The following FSTL5 variants were observed in gnomAD, a reference collection of about 807,000 sequenced individuals.
FSTL5 encodes follistatin like 5.
FSTL5 carries 62 observed loss-of-function variants against 89.1 expected under a neutral mutation model. That is an observed-to-expected ratio of 0.70 (90% CI 0.57 to 0.86). The LOEUF is 0.86. Among genes scored for constraint, FSTL5 ranks in the 40% least tolerant of loss-of-function variants. FSTL5 has a pLI of 0.00. For missense variants in FSTL5, 1,057 were observed against 1,001.6 expected (o/e 1.06, Z -0.75); for synonymous variants, 383 against 346.2 (o/e 1.11, Z -1.18).
chr4:161,617,227 T>A (rs1734905935), intron 7 of FSTL5, among the ~76,000 whole-genome samples: 1 of 151,960 alleles, frequency 6.6e-6, no homozygotes, highest in Non-Finnish European at 1.5e-5. Flanking sequence ...AAAAGTCAAT[T>A]AGGGAACTTA....
At chr4:161,461,462 A>C (rs78473383) in intron 13 of FSTL5, among the ~76,000 whole-genome samples, 1 of 2,590 alleles carries the variant, frequency 3.9e-4, no homozygotes, top group Non-Finnish European at 1.6e-3. Flanking sequence ...CTCCGTCTCA[A>C]AAAAAAAAAA....
chr4:162,102,645 ATATT>A (rs911336065), intron 2 of FSTL5, among the ~76,000 whole-genome samples: 16 of 145,850 alleles, frequency 1.1e-4, no homozygotes, highest in African/African-American at 4.0e-4. Context: ...ATAAATATGT[ATATT>A]TATATATACA....
Position 162,111,313 on chromosome 4 carries a change from A to T in FSTL5, c.84T>A (p.Tyr28Ter). Residue 28 changes from tyrosine to a stop codon, truncating the protein, a stop_gained, in exon 2 of 16, where the codon TAT becomes TAA. Coordinates refer to ENST00000306100, the MANE Select transcript of FSTL5 (RefSeq NM_020116.5). LOFTEE classifies it high-confidence loss of function. The part of the protein sequence containing the change: ...SEGRPTKEGG[Y>*]GLKSYQPLMR... ...TTAGAGGCTGATAGGATTTAAGGCC[A>T]TATCCTCCTTCTTTGGTTGGCCTTC... is the stretch of plus-strand genomic sequence containing the variant. The T allele has an allele frequency of 6.2e-7, 1 of 1,612,532 alleles. No homozygotes were observed. The highest frequency in any genetic ancestry group is 8.5e-7 in the Non-Finnish European group (1 of 1,178,854).
In FSTL5 at chr4:162,132,385, C is replaced by T. The variant is rs117676139; in HGVS notation, c.-16-20973G>A. The stretch of plus-strand genomic sequence containing the variant: ...GTGGCATTAAAAATGTGAGCTGTAA[C>T]ACTCACCGCGAAGGTCTGCAGCTTC... On this transcript the variant is annotated intron_variant, in intron 1 of 15. Transcript: ENST00000306100. 4.4e-4 allele frequency among the ~76,000 whole-genome samples: 67 copies of T among 152,232 alleles called. 1 individual carries two copies. In the East Asian group the frequency reaches 0.012, roughly 27 times the overall value.
chr4:161,933,114 C>T (rs1375081623), intron 3 of FSTL5, among the ~76,000 whole-genome samples: 3 of 151,976 alleles, frequency 2.0e-5, no homozygotes, highest in Non-Finnish European at 4.4e-5. Context: ...CATTGTTGGC[C>T]GACACGCATG....
chr4:161,785,194 T>C (rs1741854481), intron 4 of FSTL5, among the ~76,000 whole-genome samples: 1 of 152,132 alleles, frequency 6.6e-6, no homozygotes, highest in Non-Finnish European at 1.5e-5. Context: ...AAAATAAATT[T>C]AAAAGTTTCA....
At chr4:161,626,134 A>T (rs983079179) in intron 7 of FSTL5, among the ~76,000 whole-genome samples, 4 of 152,172 alleles carry the variant, frequency 2.6e-5, no homozygotes, top group African/African-American at 9.6e-5. Flanking sequence ...AGCTAAGATC[A>T]TTGATGAAGC....
intron 2 of FSTL5, among the ~76,000 whole-genome samples, chr4:162,084,078 A>G (rs1280978840): frequency 6.6e-6 from 1 of 151,980 alleles, no homozygotes; most frequent in Admixed American, 6.6e-5. Flanking sequence ...ATATATGCCC[A>G]TTCGAATATT....
chr4:161,549,096 C>T (rs1732108087), intron 8 of FSTL5, among the ~76,000 whole-genome samples: 1 of 151,492 alleles, frequency 6.6e-6, no homozygotes, highest in Non-Finnish European at 1.5e-5. Flanking sequence ...AATTCTAGAC[C>T]TCAGATTTGG....
chr4:161,966,054 TA>T (rs1735318071), intron 3 of FSTL5, among the ~76,000 whole-genome samples: 2 of 152,142 alleles, frequency 1.3e-5, no homozygotes, highest in African/African-American at 4.8e-5. Flanking sequence ...TGAGTTTGTT[TA>T]TATATACAAG....
chr4:161,594,208 A>G (rs1733929275), intron 7 of FSTL5, among the ~76,000 whole-genome samples: 1 of 152,188 alleles, frequency 6.6e-6, no homozygotes, highest in Non-Finnish European at 1.5e-5. Context: ...CATGGAGACC[A>G]GATCACAACA....
chr4:161,927,134 A>G (rs1040429248), intron 3 of FSTL5, among the ~76,000 whole-genome samples: 1 of 151,840 alleles, frequency 6.6e-6, no homozygotes, highest in South Asian at 2.1e-4. Flanking sequence ...ACTGTCATCT[A>G]TAAACCATGT....
rs551975835 is a variant in FSTL5 at position 161,646,535 on chromosome 4, T to C, written c.894+9793A>G. Among the ~76,000 whole-genome samples, 3 of 152,178 alleles carry C rather than the reference T, an allele frequency of 2.0e-5. No individual in the cohort carries two copies. In the South Asian group the frequency reaches 6.2e-4, roughly 31 times the overall value. On this transcript the variant is annotated intron_variant, in intron 7 of 15. Coordinates refer to ENST00000306100, the MANE Select transcript of FSTL5 (RefSeq NM_020116.5). ...TGACATATAAAATCCAGACATATTA[T>C]GAAAATTGCATTATGTTTTGATATA...
chr4:161,769,889 T>C (rs1256000526), intron 5 of FSTL5, among the ~76,000 whole-genome samples: 1 of 151,596 alleles, frequency 6.6e-6, no homozygotes, highest in Non-Finnish European at 1.5e-5. Context: ...GATATAATCT[T>C]ATATTTGAAA....
Position 162,000,596 on chromosome 4 carries a change from TA to T in FSTL5, c.160+33028del, listed in dbSNP as rs757799699. On this transcript the variant is annotated intron_variant, in intron 3 of 15. Transcript: ENST00000306100. ...CTGGGTGACAGAGCGAGACTCAGTC[TA>T]AAAAAAAAAAAAACAAAAACAACAA... Among the ~76,000 whole-genome samples the T allele has an allele frequency of 2.7e-3, 372 of 138,992 alleles. 1 individual carries two copies. Among genetic ancestry groups the T allele is most frequent in the African/African-American group, 8.1e-3 (303 of 37,614 alleles). 91.2% of individuals were successfully genotyped at this position (138,992 alleles called of 152,430 possible).
At chr4:161,764,623 G>A (rs1471362638) in intron 5 of FSTL5, among the ~76,000 whole-genome samples, 1 of 148,236 alleles carries the variant, frequency 6.7e-6, no homozygotes, top group East Asian at 2.0e-4. Flanking sequence ...TTCCTAAAGT[G>A]CCTAATATAA....
At chr4:161,822,300 C>T (rs761961914) in intron 4 of FSTL5, among the ~76,000 whole-genome samples, 16 of 152,124 alleles carry the variant, frequency 1.1e-4, no homozygotes, top group African/African-American at 1.2e-4. Context: ...GGGCTTGTTC[C>T]GCCCACACAG....
intron 2 of FSTL5, among the ~76,000 whole-genome samples, chr4:162,057,327 G>A (rs530068646): frequency 5.3e-5 from 8 of 152,152 alleles, no homozygotes; most frequent in African/African-American, 1.7e-4. Flanking sequence ...TAAACTCTCC[G>A]TCTCCCCTGC....
At chr4:161,448,017 G>A (rs1733009086) in intron 15 of FSTL5, among the ~76,000 whole-genome samples, 1 of 152,014 alleles carries the variant, frequency 6.6e-6, no homozygotes, top group South Asian at 2.1e-4. Flanking sequence ...GAGAGGGGGA[G>A]TAAAAAAGGT....
Sources: allele counts gnomAD v4.1 joint callset (sites outside exome capture counted in the v4.1 genomes callset), GRCh38; gene constraint gnomAD v4.1.1; transcripts MANE v1.5; gene names NCBI Gene and HGNC (gene_info 2026-07-23, HGNC 2026-07-21).